Variants in AGBL4 observed in about 807,000 individuals in gnomAD.
AGBL4 encodes the protein cytosolic carboxypeptidase 6.
Under a neutral mutation model 66.4 loss-of-function variants are expected in AGBL4, and 58 were observed. The ratio of observed to expected loss-of-function variants is 0.87; its 90% CI spans 0.71 to 1.09. The LOEUF (loss-of-function observed/expected upper bound fraction) is 1.09. Ranked by LOEUF, AGBL4 falls within the 50% of genes least tolerant of loss-of-function variation. The pLI is 0.00. For missense variants in AGBL4, 579 were observed against 631.0 expected, an observed-to-expected ratio of 0.92 and a Z score of 0.88; for synonymous variants, 234 against 222.9, an observed-to-expected ratio of 1.05 and a Z score of -0.44.
intron 3 of AGBL4, among the ~76,000 whole-genome samples, chr1:49,292,923 G>T (rs1314112958): frequency 6.6e-6 from 1 of 152,196 alleles, no homozygotes; most frequent in East Asian, 1.9e-4. Context: ...GAATGGTGGG[G>T]CTGAAAGAGC....
At chr1:49,746,718 T>C (rs1044925461) in intron 2 of AGBL4, among the ~76,000 whole-genome samples, 2 of 152,010 alleles carry the variant, frequency 1.3e-5, no homozygotes. Flanking sequence ...ATATATCTTA[T>C]AGATAAAAGA....
chr1:48,945,499 C>A (rs867122777), intron 5 of AGBL4, among the ~76,000 whole-genome samples: 1 of 152,116 alleles, frequency 6.6e-6, no homozygotes, highest in African/African-American at 2.4e-5. Flanking sequence ...CTAAAGCATG[C>A]TATGGAACTT....
the AGBL4 span, among the ~76,000 whole-genome samples, chr1:48,524,179 C>A: frequency 9.9e-5 from 15 of 151,974 alleles, no homozygotes; most frequent in Non-Finnish European, 1.9e-4. Flanking sequence ...CAGAAACAAA[C>A]CCCCTGGAAT....
At chr1:48,662,258 T>C (rs545961646) in intron 7 of AGBL4, among the ~76,000 whole-genome samples, 4 of 152,350 alleles carry the variant, frequency 2.6e-5, no homozygotes, top group African/African-American at 9.6e-5. Flanking sequence ...GTGTGCTGTT[T>C]ATATTCATCT....
chr1:48,680,303 G>A (rs2148478736), intron 6 of AGBL4, among the ~76,000 whole-genome samples: 1 of 152,308 alleles, frequency 6.6e-6, no homozygotes, highest in Non-Finnish European at 1.5e-5. Context: ...AAGGCTGCAA[G>A]GGGATCAGTA....
chr1:49,686,808 G>A (rs1391904656), intron 3 of AGBL4, among the ~76,000 whole-genome samples: 2 of 152,186 alleles, frequency 1.3e-5, no homozygotes. Flanking sequence ...TCTCAGGTAG[G>A]TAGGAAACTG....
At chr1:49,927,793 T>TA (rs1326689113) in intron 1 of AGBL4, among the ~76,000 whole-genome samples, 1 of 151,988 alleles carries the variant, frequency 6.6e-6, no homozygotes, top group Non-Finnish European at 1.5e-5. Context: ...AGAGACACAT[T>TA]AAAAGTCAAA....
intron 1 of AGBL4, among the ~76,000 whole-genome samples, chr1:49,870,049 TG>T (rs1236244498): frequency 6.6e-6 from 1 of 152,192 alleles, no homozygotes; most frequent in African/African-American, 2.4e-5. Context: ...ATATTGCATA[TG>T]TGTATCAAAA....
rs192975091 is a variant in AGBL4, at chr1:48,795,933, C to T, written c.634+71258G>A. 9.2e-5 allele frequency among the ~76,000 whole-genome samples: 14 copies of T among 152,322 alleles called. No homozygotes were observed. In the East Asian group the frequency reaches 1.2e-3, roughly 13 times the overall value. On this transcript the variant is annotated intron_variant, in intron 6 of 13. Transcript: ENST00000371839. ...CCTCCCAAAGTGCTGGGATTACAGG[C>T]GTGAGCCACTGTGCCTGGCCAGTTC...
intron 3 of AGBL4, among the ~76,000 whole-genome samples, chr1:49,624,012 T>TGC (rs72118401): frequency 9.9e-5 from 15 of 151,802 alleles, no homozygotes; most frequent in African/African-American, 3.6e-4. Flanking sequence ...AGTGTGTGTG[T>TGC]GTGTGTGTGT....
chr1:48,664,317 A>T (rs893035717), intron 6 of AGBL4, among the ~76,000 whole-genome samples: 2 of 152,220 alleles, frequency 1.3e-5, no homozygotes, highest in African/African-American at 4.8e-5. Context: ...GGAAAAAATG[A>T]TCAAGGAGCT....
intron 11 of AGBL4, among the ~76,000 whole-genome samples, chr1:48,570,250 A>G (rs1053885502): frequency 1.3e-5 from 2 of 152,268 alleles, no homozygotes; most frequent in African/African-American, 4.8e-5. Flanking sequence ...AGTTTAGGCC[A>G]GGTAGAAACT....
Position 49,933,489 on chromosome 1 carries a change from T to C in AGBL4, c.35-81971A>G, listed in dbSNP as rs190597189. Among the ~76,000 whole-genome samples, 32 of 152,172 alleles carry C rather than the reference T, an allele frequency of 2.1e-4. No individual in the cohort carries two copies. The East Asian group carries it at 5.4e-3, about 26-fold the overall frequency. On this transcript the variant is annotated intron_variant, in intron 1 of 13. Transcript: ENST00000371839. ...AAAACTCACTATGAAATATAATATA[T>C]AGACAAATTAGAATACTGTCATACT...
intron 3 of AGBL4, among the ~76,000 whole-genome samples, chr1:49,638,497 G>A (rs370307519): frequency 3.9e-5 from 6 of 152,110 alleles, no homozygotes; most frequent in East Asian, 1.9e-4. Context: ...ATATAGTTTC[G>A]CTGTGTCCTC....
chr1:49,832,162 G>A (rs1645705776), intron 2 of AGBL4, among the ~76,000 whole-genome samples: 2 of 144,074 alleles, frequency 1.4e-5, no homozygotes, highest in Admixed American at 7.1e-5. Context: ...CCACCCCACA[G>A]CAGTCCCCAG....
intron 3 of AGBL4, among the ~76,000 whole-genome samples, chr1:49,650,141 A>G (rs1007168026): frequency 6.6e-6 from 1 of 152,196 alleles, no homozygotes; most frequent in African/African-American, 2.4e-5. Flanking sequence ...AGATGGCTGA[A>G]TAGAGACATC....
At chr1:49,731,386 A>G (rs1258429513) in intron 2 of AGBL4, among the ~76,000 whole-genome samples, 4 of 152,230 alleles carry the variant, frequency 2.6e-5, no homozygotes, top group African/African-American at 9.6e-5. Context: ...TTTGTAAAAC[A>G]TAAAGCACTG....
chr1:48,930,608 CT>C (rs1410927592), intron 5 of AGBL4, among the ~76,000 whole-genome samples: 2 of 152,192 alleles, frequency 1.3e-5, no homozygotes, highest in Non-Finnish European at 2.9e-5. Context: ...GGCAGATCCT[CT>C]TCCATTTCTG....
chr1:48,620,622 T>C (rs985034331), intron 9 of AGBL4, among the ~76,000 whole-genome samples: 29 of 152,218 alleles, frequency 1.9e-4, no homozygotes, highest in Non-Finnish European at 3.5e-4. Context: ...TACAGCTGTT[T>C]TTAAAATGCT....
Sources: allele counts gnomAD v4.1 joint callset (sites outside exome capture counted in the v4.1 genomes callset), GRCh38; gene constraint gnomAD v4.1.1; transcripts MANE v1.5; gene names NCBI Gene and HGNC (gene_info 2026-07-23, HGNC 2026-07-21).